TMPRSS3: variants seen among roughly 807,000 people sequenced by gnomAD.
TMPRSS3 encodes transmembrane serine protease 3, also known as transmembrane protease serine 3.
TMPRSS3 carries 55 observed loss-of-function variants against 59.6 expected under a neutral mutation model. The ratio of observed to expected loss-of-function variants is 0.92; its 90% confidence interval spans 0.74 to 1.16. TMPRSS3 has a LOEUF of 1.16. Among genes scored for constraint, TMPRSS3 ranks in the 50% most tolerant of loss-of-function variants. The probability of loss-of-function intolerance (pLI) is 0.00; values close to 1 mark genes in which losing one functional copy is unlikely to be tolerated. For missense variants in TMPRSS3, 596 were observed against 579.4 expected (o/e 1.03, Z -0.29); for synonymous variants, 257 against 237.7 (o/e 1.08, Z -0.75).
rs779440962 is a variant in TMPRSS3, at chr21:42,372,710, G to A, written c.*52C>T. 38 of 1,605,052 alleles carry A rather than the reference G, an allele frequency of 2.4e-5. No individual in the cohort carries two copies. The Admixed American group carries it at 3.3e-4, about 14-fold the overall frequency. On this transcript the variant is annotated 3_prime_UTR_variant, in exon 13 of 13. Coordinates refer to ENST00000644384, the MANE Select transcript of TMPRSS3 (RefSeq NM_001256317.3). ...CTACACGGGAGTCCAGGGGAGGATC[G>A]GGCTGTCTTCATCACCTCAGGAACT...
intron 2 of TMPRSS3, among the ~76,000 whole-genome samples, chr21:42,394,031 T>A (rs959152744): frequency 6.6e-6 from 1 of 152,208 alleles, no homozygotes; most frequent in Non-Finnish European, 1.5e-5. Flanking sequence ...AATAATAAAT[T>A]GCTAATAGGA....
rs1292142673 is a variant in TMPRSS3 at position 42,395,410 on chromosome 21, T to A, written c.8A>T (p.Glu3Val). Residue 3 changes from glutamate (E) to valine (V), a missense_variant, in exon 2 of 13, where the codon GAA (glutamate) becomes GTA (valine). Glu to Val is a moderately radical substitution (Grantham distance 121). Coordinates refer to ENST00000644384, the MANE Select transcript of TMPRSS3 (RefSeq NM_001256317.3). MG[E>V]NDPPAVEAPF... ...GGCTTCAACAGCAGGCGGATCATTT[T>A]CCCCCATGGTGACTATTTCAGGACC... is the stretch of plus-strand genomic sequence containing the variant. 1 of 1,613,974 alleles carries A rather than the reference T, an allele frequency of 6.2e-7. No homozygotes were observed. Among genetic ancestry groups the A allele is most frequent in the African/African-American group, 1.3e-5 (1 of 74,910 alleles).
intron 12 of TMPRSS3, 63 bp from the exon 13 acceptor site, chr21:42,372,842 ACGGAGCGGGCACCTGCATTTTGC>A: frequency 6.3e-7 from 1 of 1,597,382 alleles, no homozygotes; most frequent in South Asian, 1.1e-5. Flanking sequence ...CAACATGATG[ACGGAGCGGGCACCTGCATTTTGC>A]CCTGTGGGAA....
In TMPRSS3 at chr21:42,388,899, G is replaced by C. The variant is rs1230252165; in HGVS notation, c.322+30C>G. The C allele has an allele frequency of 3.1e-6, 5 of 1,595,504 alleles. No individual in the cohort carries two copies. The East Asian group carries it at 1.1e-4, about 36-fold the overall frequency. ...GGGTTGGCTTCTGCTGCTTCCTTCT[G>C]TTTCCCCAGGGGAAGAGCCATGACC... On this transcript the variant is annotated intron_variant, in intron 4 of 12. Transcript: ENST00000644384. This position sits in a 1 kb window ranked among gnomAD's most constrained non-coding sequence, Gnocchi z 5.1.
At chr21:42,385,635 G>A in intron 5 of TMPRSS3, 101 bp from the exon 6 acceptor site, 1 of 1,486,678 alleles carries the variant, frequency 6.7e-7, no homozygotes, top group Non-Finnish European at 9.3e-7. Flanking sequence ...GTACATGGGG[G>A]ATGTCATTTT....
intron 7 of TMPRSS3, 129 bp from the exon 8 acceptor site, chr21:42,383,327 T>G: frequency 9.9e-7 from 1 of 1,011,658 alleles, no homozygotes; most frequent in Non-Finnish European, 1.5e-6. Flanking sequence ...ACAGCAGCTC[T>G]AAGACAAGTG....
In TMPRSS3 at chr21:42,372,126, T is replaced by C; in HGVS notation, c.*636A>G. On this transcript the variant is annotated 3_prime_UTR_variant, in exon 13 of 13. Transcript: ENST00000644384. Reference sequence around the variant, plus strand: ...CTGGTGCGTCTTTTCTGAGTGGCTGTTGGTGGCTTTGCACGTGAGGTCACA... The same window carrying C: ...CTGGTGCGTCTTTTCTGAGTGGCTGCTGGTGGCTTTGCACGTGAGGTCACA... 1 of 454,274 alleles carries C rather than the reference T, an allele frequency of 2.2e-6. No individual in the cohort carries two copies. Among genetic ancestry groups the C allele is most frequent in the Non-Finnish European group, 4.4e-6 (1 of 226,768 alleles). The allele number at this position is 454,274 out of a possible 1,614,324, so 28.1% of individuals were successfully genotyped here. A position where few individuals can be genotyped will look rare whatever the true frequency, so the allele number is the denominator to read the frequency against.
chr21:42,389,587 A>G (rs374562920), intron 3 of TMPRSS3, among the ~76,000 whole-genome samples: 5 of 152,364 alleles, frequency 3.3e-5, no homozygotes, highest in African/African-American at 1.2e-4. Context: ...GTGCGCCTGC[A>G]TTGCATGAAT....
In TMPRSS3 at chr21:42,388,606, GCTCAAACCCCTC is replaced by G. The variant is rs2052676381; in HGVS notation, c.323-92_323-81del. 1 of 1,602,474 alleles carries G rather than the reference GCTCAAACCCCTC, an allele frequency of 6.2e-7. No homozygotes were observed. The highest frequency in any genetic ancestry group is 1.3e-5 in the African/African-American group (1 of 74,822). On this transcript the variant is annotated intron_variant, in intron 4 of 12. Coordinates refer to ENST00000644384, the MANE Select transcript of TMPRSS3 (RefSeq NM_001256317.3). This position sits in a 1 kb window ranked among gnomAD's most constrained non-coding sequence, Gnocchi z 5.1. ...ATAGGCAGGGGTTTCTCCACAGCCA[GCTCAAACCCCTC>G]CTCTGCCAAATCTGACCCACTTCTT...
At chr21:42,387,707 G>A (rs1281884214) in intron 5 of TMPRSS3, among the ~76,000 whole-genome samples, 2 of 152,142 alleles carry the variant, frequency 1.3e-5, no homozygotes, top group Non-Finnish European at 2.9e-5. Context: ...TGCCTGCTTT[G>A]AGTGCTGAGA....
chr21:42,394,320 T>C (rs1164661388), intron 2 of TMPRSS3, among the ~76,000 whole-genome samples: 1 of 152,258 alleles, frequency 6.6e-6, no homozygotes, highest in Non-Finnish European at 1.5e-5. Flanking sequence ...ATCTACTTGA[T>C]GGAATACTGT....
At chr21:42,383,383 G>T in intron 7 of TMPRSS3, 185 bp from the exon 8 acceptor site, 1 of 659,720 alleles carries the variant, frequency 1.5e-6, no homozygotes, top group Admixed American at 2.4e-5. Flanking sequence ...CTCTTGGGGA[G>T]ACCTGAGGAT....
rs145949069 is a variant in TMPRSS3 at position 42,388,649 on chromosome 21, C to T, written c.323-123G>A. 80 of 1,379,802 alleles carry T rather than the reference C, an allele frequency of 5.8e-5. No individual in the cohort carries two copies. The African/African-American group carries it at 6.5e-4, about 11-fold the overall frequency. The allele number at this position is 1,379,802 out of a possible 1,614,324, so 85.5% of individuals were successfully genotyped here. On this transcript the variant is annotated intron_variant, in intron 4 of 12. Transcript: ENST00000644384. This position sits in a 1 kb window ranked among gnomAD's most constrained non-coding sequence, Gnocchi z 5.1. The stretch of plus-strand genomic sequence containing the variant: ...CCAAATCTGACCCACTTCTTGTCCA[C>T]GGCAGCCTCCCCATCACAGAGCAGT...
At chr21:42,384,099 G>T in intron 6 of TMPRSS3, 86 bp from the exon 7 acceptor site, 1 of 1,268,666 alleles carries the variant, frequency 7.9e-7, no homozygotes. Flanking sequence ...TAGGGTAACA[G>T]AAAAATAAAT....
rs908602938 is a variant in TMPRSS3, at chr21:42,388,725, G to A, written c.323-199C>T. Among the ~76,000 whole-genome samples the A allele has an allele frequency of 1.3e-5, 2 of 152,000 alleles. No individual in the cohort carries two copies. Among genetic ancestry groups the A allele is most frequent in the Non-Finnish European group, 2.9e-5 (2 of 67,990 alleles). On this transcript the variant is annotated intron_variant, in intron 4 of 12. Coordinates refer to ENST00000644384, the MANE Select transcript of TMPRSS3 (RefSeq NM_001256317.3). The surrounding 1 kb of genome is among the most constrained non-coding windows in gnomAD (Gnocchi z 5.1). Reference sequence around the variant, plus strand: ...CTGGTCTCATCTTATTGCTTATGTGGTCTCCCCAAGAGAGCCAGAGCTCCA... The same window carrying A: ...CTGGTCTCATCTTATTGCTTATGTGATCTCCCCAAGAGAGCCAGAGCTCCA...
intron 5 of TMPRSS3, 64 bp from the exon 6 acceptor site, chr21:42,385,598 T>C (rs1301986292): frequency 3.8e-6 from 6 of 1,597,068 alleles, no homozygotes; most frequent in South Asian, 2.2e-5. Context: ...ATTCAACCGA[T>C]GTGCGAGTCA....
In TMPRSS3 at chr21:42,372,460, T is replaced by C. The variant is rs1302576297; in HGVS notation, c.*302A>G. The stretch of plus-strand genomic sequence containing the variant: ...CTGTGGTCCCAGCTACTGGGGAAGC[T>C]GAGGCAAGAGAATCGCTTGAACCAG... On this transcript the variant is annotated 3_prime_UTR_variant, in exon 13 of 13. Transcript: ENST00000644384. 1 of 561,824 alleles carries C rather than the reference T, an allele frequency of 1.8e-6. No homozygotes were observed. The highest frequency in any genetic ancestry group is 4.4e-5 in the East Asian group (1 of 22,786). The allele number at this position is 561,824 out of a possible 1,614,324, so 34.8% of individuals were successfully genotyped here.
chr21:42,383,378 G>A, intron 7 of TMPRSS3, 180 bp from the exon 8 acceptor site: 2 of 671,604 alleles, frequency 3.0e-6, no homozygotes, highest in East Asian at 2.7e-5. Context: ...TCAGGCTCTT[G>A]GGGAGACCTG....
intron 5 of TMPRSS3, among the ~76,000 whole-genome samples, chr21:42,386,995 A>G (rs2052644636): frequency 6.6e-6 from 1 of 152,222 alleles, no homozygotes; most frequent in South Asian, 2.1e-4. Flanking sequence ...GATGGGGGAC[A>G]TCGCATTCCC....
Sources: gnomAD v4.1 joint callset for allele counts (sites outside exome capture counted in the v4.1 genomes callset) on GRCh38, gnomAD v4.1.1 for gene constraint, Gnocchi (gnomAD v3.1) non-coding constraint, MANE v1.5 for transcripts, NCBI Gene and HGNC (gene_info 2026-07-23, HGNC 2026-07-21) for gene names.